Variants in APOBEC3D observed in about 807,000 individuals in gnomAD.
APOBEC3D encodes apolipoprotein B mRNA editing enzyme catalytic subunit 3D, also known as DNA dC->dU-editing enzyme APOBEC-3D.
APOBEC3D carries 37 observed loss-of-function variants against 45.6 expected under a neutral mutation model. The ratio of observed to expected loss-of-function variants is 0.81; its 90% CI spans 0.62 to 1.07. The LOEUF (loss-of-function observed/expected upper bound fraction) is 1.07. Ranked by LOEUF, APOBEC3D falls within the 50% of genes least tolerant of loss-of-function variation. The probability of loss-of-function intolerance (pLI) is 0.00; values close to 1 mark genes in which losing one functional copy is unlikely to be tolerated. For synonymous variants in APOBEC3D, 175 were observed against 180.7 expected, an observed-to-expected ratio of 0.97 and a Z score of 0.25; for missense variants, 496 against 495.3, an observed-to-expected ratio of 1.00 and a Z score of -0.01.
At position 39,029,450 on chromosome 22, in the gene APOBEC3D, G is replaced by T. The variant is rs757384858; in HGVS notation, c.693G>T (p.Leu231=). Residue 231 remains leucine, a synonymous_variant, in exon 5 of 7, where the codon CTG becomes CTT. Coordinates refer to ENST00000216099, the MANE Select transcript of APOBEC3D (RefSeq NM_152426.4). The part of the protein sequence containing the change: ...LKACGRNESW[L]CFTMEVTKHH... The stretch of plus-strand genomic sequence containing the variant: ...CCTGTGGTCGGAACGAAAGCTGGCT[G>T]TGCTTCACCATGGAAGTTACAAAGC... 1 of 1,614,166 alleles carries T rather than the reference G, an allele frequency of 6.2e-7. No homozygotes were observed.
chr22:39,031,957 G>A lies in APOBEC3D; in HGVS notation c.1026G>A (p.Lys342=). Residue 342 remains lysine, a synonymous_variant, in exon 6 of 7, where the codon AAG becomes AAA. Transcript: ENST00000216099. ...TGAGTCAGGAAGGGGCCTCCGTGAA[G>A]ATCATGGGCTACAAAGGTGAGACGT... ...CSLSQEGASV[K]IMGYKDFVSC... The A allele has an allele frequency of 1.2e-5, 20 of 1,614,202 alleles. No homozygotes were observed. The highest frequency in any genetic ancestry group is 1.6e-5 in the Non-Finnish European group (19 of 1,180,038).
At chr22:39,031,551 C>T in intron 5 of APOBEC3D, 143 bp from the exon 6 acceptor site, 26 of 1,289,510 alleles carry the variant, frequency 2.0e-5, no homozygotes, top group Non-Finnish European at 2.8e-5. Context: ...GCTTGGGCAA[C>T]AGGAGAGACC....
intron 4 of APOBEC3D, among the ~76,000 whole-genome samples, chr22:39,027,134 G>A (rs1042498543): frequency 3.3e-5 from 5 of 152,102 alleles, no homozygotes; most frequent in Admixed American, 2.6e-4. Context: ...TTAGACCGGA[G>A]GAGCAAACTG....
chr22:39,023,605 C>T (rs1925343509), intron 2 of APOBEC3D, among the ~76,000 whole-genome samples: 1 of 151,908 alleles, frequency 6.6e-6, no homozygotes, highest in Admixed American at 6.6e-5. Context: ...CGCCACCGTG[C>T]CCAGCTAATT....
chr22:39,030,072 C>T (rs560186207), intron 5 of APOBEC3D, among the ~76,000 whole-genome samples: 214 of 150,802 alleles, frequency 1.4e-3, no homozygotes, highest in African/African-American at 4.8e-3. Context: ...GCTGTGCGTC[C>T]GGCAGTCCTC....
At chr22:39,023,517 G>T in intron 2 of APOBEC3D, among the ~76,000 whole-genome samples, 2 of 143,704 alleles carry the variant, frequency 1.4e-5, no homozygotes, top group Admixed American at 1.5e-4. Flanking sequence ...GCTCAATCTT[G>T]GCTCATTCAA....
chr22:39,024,084 G>A (rs760338938), intron 2 of APOBEC3D, among the ~76,000 whole-genome samples: 4 of 152,176 alleles, frequency 2.6e-5, no homozygotes, highest in African/African-American at 7.2e-5. Context: ...CTAAAAAGGC[G>A]ACAAGAACCG....
In APOBEC3D at chr22:39,025,222, T is replaced by G. The variant is rs1389855222; in HGVS notation, c.363T>G (p.Ala121=). The G allele has an allele frequency of 3.8e-5, 61 of 1,614,136 alleles. No homozygotes were observed. The Middle Eastern group carries it at 4.9e-4, about 13-fold the overall frequency. Residue 121 remains alanine, a synonymous_variant, in exon 3 of 7, where the codon GCT becomes GCG. Coordinates refer to ENST00000216099, the MANE Select transcript of APOBEC3D (RefSeq NM_152426.4). ...PCVVKVTKFL[A]EHPNVTLTIS... ...TGGTGAAGGTGACCAAATTCTTGGC[T>G]GAGCACCCCAATGTCACCCTGACCA... is the stretch of plus-strand genomic sequence containing the variant.
At chr22:39,029,902 C>T (rs1195642545) in intron 5 of APOBEC3D, among the ~76,000 whole-genome samples, 8 of 152,242 alleles carry the variant, frequency 5.3e-5, no homozygotes, top group South Asian at 4.1e-4. Context: ...TGAGCCACCA[C>T]GCCCAACTTC....
intron 5 of APOBEC3D, among the ~76,000 whole-genome samples, chr22:39,030,468 T>C (rs1162371803): frequency 6.6e-6 from 1 of 152,198 alleles, no homozygotes; most frequent in Non-Finnish European, 1.5e-5. Flanking sequence ...TAAGAACTCG[T>C]GGAAGAAATT....
intron 1 of APOBEC3D, among the ~76,000 whole-genome samples, chr22:39,022,215 G>A (rs1925185303): frequency 6.6e-6 from 1 of 152,260 alleles, no homozygotes; most frequent in African/African-American, 2.4e-5. Context: ...GTGATGCAGA[G>A]GCTGCACAGG....
intron 4 of APOBEC3D, among the ~76,000 whole-genome samples, chr22:39,026,439 TGAG>T (rs1198528997): frequency 2.6e-5 from 4 of 152,214 alleles, no homozygotes; most frequent in Non-Finnish European, 4.4e-5. Flanking sequence ...AGTTATCCTG[TGAG>T]GAGGTGGGGT....
chr22:39,032,291 G>T lies in APOBEC3D; in HGVS notation c.1136G>T (p.Arg379Ile), dbSNP rs1926302031. The change falls in exon 7 of 7, where the codon AGA (arginine) becomes ATA (isoleucine). Residue 379 changes from arginine to isoleucine, a missense_variant. By Grantham distance (97) the Arg-to-Ile change is moderately conservative. Transcript: ENST00000216099. ...CAAACCAACTTTCGACTTCTGAAAA[G>T]AAGGCTACGGGAGATTCTCCAGTGA... ...GLQTNFRLLK[R>I]RLREILQ 14 of 1,614,194 alleles carry T rather than the reference G, an allele frequency of 8.7e-6. No homozygotes were observed. Among genetic ancestry groups the T allele is most frequent in the Non-Finnish European group, 1.2e-5 (14 of 1,180,022 alleles).
In APOBEC3D at chr22:39,025,343, T is replaced by G; in HGVS notation, c.484T>G (p.Tyr162Asp). The G allele has an allele frequency of 6.2e-7, 1 of 1,613,948 alleles. No individual in the cohort carries two copies. Residue 162 changes from tyrosine (Y) to aspartate (D), a missense_variant, in exon 3 of 7, where the codon TAT (tyrosine) becomes GAT (aspartate). Physicochemically the swap from Tyr to Asp is radical, Grantham distance 160. Coordinates refer to ENST00000216099, the MANE Select transcript of APOBEC3D (RefSeq NM_152426.4). ...AGGGGCCCGTGTGAAGATCATGGACTATGAAGGTGAGAGGTGCAGGGGTCA... is the reference window on the plus strand; with the variant it reads ...AGGGGCCCGTGTGAAGATCATGGACGATGAAGGTGAGAGGTGCAGGGGTCA... ...KAGARVKIMD[Y>D]EDFAYCWENF...
chr22:39,031,029 A>G (rs1300505176), intron 5 of APOBEC3D, among the ~76,000 whole-genome samples: 1 of 152,082 alleles, frequency 6.6e-6, no homozygotes, highest in African/African-American at 2.4e-5. Context: ...AGCCAGGCGT[A>G]GGAGTGCGCG....
rs1569056247 is a variant in APOBEC3D, at chr22:39,025,313, A to G, written c.454A>G (p.Lys152Glu). Residue 152 changes from lysine to glutamate, a missense_variant, in exon 3 of 7, where the codon AAG (lysine) becomes GAG (glutamate). Coordinates refer to ENST00000216099, the MANE Select transcript of APOBEC3D (RefSeq NM_152426.4). ...GCGGTGGGTGCTCCTCAGGCTGCAT[A>G]AGGCAGGGGCCCGTGTGAAGATCAT... ...DWRWVLLRLH[K>E]AGARVKIMDY... 1.9e-6 allele frequency: 3 copies of G among 1,614,078 alleles called. No homozygotes were observed. The highest frequency in any genetic ancestry group is 1.7e-5 in the Admixed American group (1 of 60,006).
At chr22:39,028,250 C>G (rs1011137799) in intron 4 of APOBEC3D, among the ~76,000 whole-genome samples, 1 of 152,210 alleles carries the variant, frequency 6.6e-6, no homozygotes, top group African/African-American at 2.4e-5. Context: ...AAAATATGAT[C>G]AGGAGAAATG....
intron 4 of APOBEC3D, among the ~76,000 whole-genome samples, chr22:39,028,879 G>C (rs1449655815): frequency 6.6e-6 from 1 of 152,154 alleles, no homozygotes; most frequent in African/African-American, 2.4e-5. Context: ...AAGTTATAGT[G>C]AGCCGAGATT....
At chr22:39,022,185 AGCTTTCTCCT>A (rs1925182213) in intron 1 of APOBEC3D, among the ~76,000 whole-genome samples, 1 of 152,242 alleles carries the variant, frequency 6.6e-6, no homozygotes, top group African/African-American at 2.4e-5. Context: ...AGTCCCCAAC[AGCTTTCTCCT>A]GCAGGGCCCG....
Sources: allele counts gnomAD v4.1 joint callset (sites outside exome capture counted in the v4.1 genomes callset), GRCh38; gene constraint gnomAD v4.1.1; transcripts MANE v1.5; gene names NCBI Gene and HGNC (gene_info 2026-07-23, HGNC 2026-07-21).